Variants in SMCO3 observed in about 807,000 individuals in gnomAD.
SMCO3 encodes single-pass membrane and coiled-coil domain-containing protein 3.
Under a neutral mutation model 12.0 loss-of-function variants are expected in SMCO3, and 6 were observed. The ratio of observed to expected loss-of-function variants is 0.50; its 90% confidence interval spans 0.27 to 0.99. SMCO3 has a LOEUF of 0.99. Ranked by LOEUF, SMCO3 falls within the 50% of genes least tolerant of loss-of-function variation. The pLI is 0.11. For synonymous variants in SMCO3, 96 were observed against 96.4 expected (o/e 1.00, Z 0.02); for missense variants, 279 against 265.0 (o/e 1.05, Z -0.37).
Position 14,804,754 on chromosome 12 carries a change from A to G in SMCO3, c.*1249T>C, listed in dbSNP as rs1950022134. The G allele has an allele frequency of 6.6e-6, 1 of 152,248 alleles. No individual in the cohort carries two copies. The highest frequency in any genetic ancestry group is 1.5e-5 in the Non-Finnish European group (1 of 68,034). 9.4% of individuals were successfully genotyped at this position (152,248 alleles called of 1,614,324 possible). On this transcript the variant is annotated 3_prime_UTR_variant, in exon 2 of 2. Coordinates refer to ENST00000316048, the MANE Select transcript of SMCO3 (RefSeq NM_001013698.2). ...TCGTTTTGAAAAACAATGCAAGAAG[A>G]GAAAGAGAAAACAGTGTATGTTGGA...
chr12:14,807,898 G>T (rs918080914), intron 1 of SMCO3, among the ~76,000 whole-genome samples: 15 of 152,216 alleles, frequency 9.9e-5, no homozygotes, highest in Admixed American at 9.8e-4. Context: ...GGGCATGGTG[G>T]CTCAGGCCTG....
chr12:14,811,787 G>A (rs961561781), intron 1 of SMCO3, among the ~76,000 whole-genome samples: 2 of 152,160 alleles, frequency 1.3e-5, no homozygotes, highest in African/African-American at 4.8e-5. Context: ...GGGTACTTTC[G>A]TGAATAACAG....
At chr12:14,807,181 A>G (rs1353830450) in intron 1 of SMCO3, among the ~76,000 whole-genome samples, 2 of 152,202 alleles carry the variant, frequency 1.3e-5, no homozygotes, top group African/African-American at 2.4e-5. Flanking sequence ...GAGTCAGTGT[A>G]TGGAAAGTGT....
chr12:14,806,584 A>T lies in SMCO3; in HGVS notation c.97T>A (p.Phe33Ile), dbSNP rs969450833. 1 of 1,614,174 alleles carries T rather than the reference A, an allele frequency of 6.2e-7. No homozygotes were observed. Residue 33 changes from phenylalanine to isoleucine, a missense_variant, in exon 2 of 2, where the codon TTC becomes ATC. Physicochemically the swap from Phe to Ile is conservative, Grantham distance 21. Coordinates refer to ENST00000316048, the MANE Select transcript of SMCO3 (RefSeq NM_001013698.2). ...TCAGTCAGCTTATTGGTGACATCGA[A>T]GCTGTCAGATAAGCAATCAAGAAGC... is the stretch of plus-strand genomic sequence containing the variant. ...QQLLDCLSDS[F>I]DVTNKLTEVL...
chr12:14,811,624 G>A (rs1950139584), intron 1 of SMCO3, among the ~76,000 whole-genome samples: 1 of 152,150 alleles, frequency 6.6e-6, no homozygotes, highest in Non-Finnish European at 1.5e-5. Flanking sequence ...AGATTAAAGG[G>A]CATCTAAGAT....
At chr12:14,812,305 G>A (rs1035302068) in intron 1 of SMCO3, among the ~76,000 whole-genome samples, 5 of 152,178 alleles carry the variant, frequency 3.3e-5, no homozygotes, top group Admixed American at 1.3e-4. Flanking sequence ...TTAGCCGGGC[G>A]CGGTGGCGGG....
At chr12:14,808,035 G>A (rs919908093) in intron 1 of SMCO3, among the ~76,000 whole-genome samples, 6 of 152,180 alleles carry the variant, frequency 3.9e-5, no homozygotes, top group African/African-American at 1.4e-4. Context: ...GTGTGGTGGT[G>A]CATGCCTGTA....
chr12:14,809,393 T>TC (rs368450455), intron 1 of SMCO3, among the ~76,000 whole-genome samples: 5 of 151,900 alleles, frequency 3.3e-5, no homozygotes, highest in African/African-American at 1.2e-4. Context: ...AGAACTCTTC[T>TC]CCCCCCAGTA....
At chr12:14,813,135 G>A (rs1421307245) in intron 1 of SMCO3, among the ~76,000 whole-genome samples, 1 of 152,096 alleles carries the variant, frequency 6.6e-6, no homozygotes, top group Non-Finnish European at 1.5e-5. Context: ...TTATATTATT[G>A]TCTCTACTTC....
In SMCO3 at chr12:14,806,520, A is replaced by G. The variant is rs199916742; in HGVS notation, c.161T>C (p.Ile54Thr). Residue 54 changes from isoleucine (I) to threonine (T), a missense_variant, in exon 2 of 2, where the codon ATT becomes ACT. Transcript: ENST00000316048. ...NMHLGCRLAS[I>T]EMKRDGTIKE... ...GATGGTCCCATCTCTTTTCATCTCA[A>G]TGGAGGCCAGCCTGCACCCCAAGTG... is the stretch of plus-strand genomic sequence containing the variant. The G allele has an allele frequency of 2.2e-5, 36 of 1,614,042 alleles. No individual in the cohort carries two copies. Among genetic ancestry groups the G allele is most frequent in the South Asian group, 7.7e-5 (7 of 91,070 alleles).
intron 1 of SMCO3, among the ~76,000 whole-genome samples, chr12:14,809,358 C>G (rs1426261657): frequency 6.6e-6 from 1 of 152,080 alleles, no homozygotes; most frequent in Non-Finnish European, 1.5e-5. Flanking sequence ...ACAGGTGAGC[C>G]TTATTTTTTT....
chr12:14,806,155 C>G lies in SMCO3; in HGVS notation c.526G>C (p.Val176Leu), dbSNP rs61732281. The G allele has an allele frequency of 6.2e-7, 1 of 1,613,980 alleles. No homozygotes were observed. Among genetic ancestry groups the G allele is most frequent in the African/African-American group, 1.3e-5 (1 of 74,872 alleles). ...TCCACTGCTCCCAGGATGGCACGGA[C>G]AATCATATCTATGCCAAGGCCAAGA... ...AVLGLGIDMI[V>L]RAILGAVEKT... The change falls in exon 2 of 2, where the codon GTC (valine) becomes CTC (leucine). Residue 176 changes from valine to leucine, a missense_variant. By Grantham distance (32) the Val-to-Leu change is conservative (BLOSUM62 1). Coordinates refer to ENST00000316048, the MANE Select transcript of SMCO3 (RefSeq NM_001013698.2).
Position 14,806,688 on chromosome 12 carries a change from A to G in SMCO3, c.-8T>C, listed in dbSNP as rs892718603. On this transcript the variant is annotated 5_prime_UTR_variant, in exon 2 of 2. Coordinates refer to ENST00000316048, the MANE Select transcript of SMCO3 (RefSeq NM_001013698.2). ...GAAGTCACTTTGGGCCATATTTCCA[A>G]TATGATCGCTGAAAAATAAAATGGT... 4.5e-6 allele frequency: 7 copies of G among 1,566,836 alleles called. No individual in the cohort carries two copies. Among genetic ancestry groups the G allele is most frequent in the Middle Eastern group, 1.7e-4 (1 of 5,804 alleles).
intron 1 of SMCO3, among the ~76,000 whole-genome samples, chr12:14,809,954 A>G (rs763953322): frequency 6.6e-6 from 1 of 152,248 alleles, no homozygotes; most frequent in Non-Finnish European, 1.5e-5. Flanking sequence ...GTTTTCAACT[A>G]CTAAAGTAAT....
intron 1 of SMCO3, among the ~76,000 whole-genome samples, chr12:14,812,410 C>T (rs934571657): frequency 9.2e-5 from 14 of 151,714 alleles, no homozygotes; most frequent in Non-Finnish European, 1.8e-4. Flanking sequence ...TGCCACTGCA[C>T]GCCGGCCTGG....
intron 1 of SMCO3, 40 bp downstream of exon 1, chr12:14,814,086 G>A (rs1238873075): frequency 6.6e-6 from 1 of 152,162 alleles, no homozygotes; most frequent in East Asian, 1.9e-4. Context: ...GAGAAACAGA[G>A]TATTATATCA....
intron 1 of SMCO3, among the ~76,000 whole-genome samples, chr12:14,810,623 A>G (rs1691406052): frequency 6.6e-6 from 1 of 152,222 alleles, no homozygotes; most frequent in Admixed American, 6.5e-5. Flanking sequence ...TGACTTGTGC[A>G]AATTTGTTTT....
At chr12:14,809,779 A>G (rs1339662655) in intron 1 of SMCO3, among the ~76,000 whole-genome samples, 2 of 152,212 alleles carry the variant, frequency 1.3e-5, no homozygotes, top group Non-Finnish European at 2.9e-5. Context: ...AACTGAAAAC[A>G]AGCTGGAGAG....
rs750875532 is a variant in SMCO3 at position 14,814,168 on chromosome 12, G to C, written c.-59C>G. 3.9e-5 allele frequency: 6 copies of C among 152,130 alleles called. No individual in the cohort carries two copies. Among genetic ancestry groups the C allele is most frequent in the Non-Finnish European group, 7.3e-5 (5 of 68,044 alleles). 9.4% of individuals were successfully genotyped at this position (152,130 alleles called of 1,614,324 possible). A position where few individuals can be genotyped will look rare whatever the true frequency, so the allele number is the denominator to read the frequency against. On this transcript the variant is annotated 5_prime_UTR_variant, in exon 1 of 2. Coordinates refer to ENST00000316048, the MANE Select transcript of SMCO3 (RefSeq NM_001013698.2). ...TTCCGTGGTCCTAGCAGTTGTTTAG[G>C]AGTATTGTTAAAGTGCTTTTTCATC...
Sources: allele counts gnomAD v4.1 joint callset (sites outside exome capture counted in the v4.1 genomes callset), GRCh38; gene constraint gnomAD v4.1.1; transcripts MANE v1.5; gene names NCBI Gene and HGNC (gene_info 2026-07-23, HGNC 2026-07-21).